KDM1B: variants seen among roughly 807,000 people sequenced by gnomAD.
KDM1B encodes the protein lysine-specific histone demethylase 2.
Under a neutral mutation model 107.4 loss-of-function variants are expected in KDM1B, and 63 were observed. That is an observed-to-expected ratio of 0.59 (90% CI 0.48 to 0.72). KDM1B has a LOEUF of 0.72. Among genes scored for constraint, KDM1B ranks in the 30% least tolerant of loss-of-function variants. The pLI is 0.00. For missense variants in KDM1B, 749 were observed against 1,020.8 expected, an observed-to-expected ratio of 0.73 and a Z score of 3.63; for synonymous variants, 363 against 363.9, an observed-to-expected ratio of 1.00 and a Z score of 0.03.
intron 6 of KDM1B, among the ~76,000 whole-genome samples, chr6:18,169,048 T>C (rs879941716): frequency 6.6e-6 from 1 of 151,824 alleles, no homozygotes; most frequent in Admixed American, 6.6e-5. Context: ...ATTTTTGTAT[T>C]TTTAGTAGAG....
Position 18,191,129 on chromosome 6 carries a change from T to C in KDM1B, c.785-68T>C. On this transcript the variant is annotated intron_variant, in intron 9 of 21. Coordinates refer to ENST00000650836, the MANE Select transcript of KDM1B (RefSeq NM_001364614.2). The surrounding 1 kb of genome is among the most constrained non-coding windows in gnomAD (Gnocchi z 5.1). ...CTAGGCTTACTTTTTGGTTTGCTTT[T>C]GCCCTTTAATTCTTCTGGATTTGGA... 1 of 1,438,198 alleles carries C rather than the reference T, an allele frequency of 7.0e-7. No individual in the cohort carries two copies. The highest frequency in any genetic ancestry group is 1.4e-5 in the African/African-American group (1 of 70,608). 89.1% of individuals were successfully genotyped at this position (1,438,198 alleles called of 1,614,324 possible). A position where few individuals can be genotyped will look rare whatever the true frequency, so the allele number is the denominator to read the frequency against.
At chr6:18,180,910 C>T (rs1200999611) in intron 7 of KDM1B, among the ~76,000 whole-genome samples, 2 of 152,224 alleles carry the variant, frequency 1.3e-5, no homozygotes, top group Middle Eastern at 3.2e-3. Flanking sequence ...TTTGACTAAA[C>T]TGTAATTGGA....
At chr6:18,176,906 G>A (rs866140104) in intron 7 of KDM1B, among the ~76,000 whole-genome samples, 4 of 152,134 alleles carry the variant, frequency 2.6e-5, no homozygotes, top group African/African-American at 7.2e-5. Flanking sequence ...TAGCGTCTAT[G>A]TTCATCAGGA....
At chr6:18,166,728 T>C (rs1785322734) in intron 6 of KDM1B, among the ~76,000 whole-genome samples, 1 of 151,736 alleles carries the variant, frequency 6.6e-6, no homozygotes. Context: ...GTGGCAGGTG[T>C]CTGTAGTCCC....
In KDM1B at chr6:18,204,766, C is replaced by T. The variant is rs1029228233; in HGVS notation, c.1532-771C>T. ...AGAAATTCTGGGGGCTTGCCACGGC[C>T]CGGTGATGCCCGACTATAAAGAATG... On this transcript the variant is annotated intron_variant, in intron 14 of 21. Coordinates refer to ENST00000650836, the MANE Select transcript of KDM1B (RefSeq NM_001364614.2). This position sits in a 1 kb window ranked among gnomAD's most constrained non-coding sequence, Gnocchi z 4.9. Among the ~76,000 whole-genome samples, 1 of 152,108 alleles carries T rather than the reference C, an allele frequency of 6.6e-6. No homozygotes were observed. The highest frequency in any genetic ancestry group is 1.5e-5 in the Non-Finnish European group (1 of 68,026).
intron 7 of KDM1B, among the ~76,000 whole-genome samples, chr6:18,177,493 G>A (rs115657999): frequency 2.7e-5 from 4 of 150,274 alleles, no homozygotes; most frequent in African/African-American, 9.8e-5. Context: ...CCTTTCTTCT[G>A]CTGGGCTTGG....
intron 4 of KDM1B, among the ~76,000 whole-genome samples, chr6:18,161,662 C>T (rs1409111185): frequency 6.6e-6 from 1 of 152,058 alleles, no homozygotes; most frequent in Non-Finnish European, 1.5e-5. Flanking sequence ...TGGGAGAGGC[C>T]ACACCCATGT....
Position 18,184,273 on chromosome 6 carries a change from C to CTTTTTTTT in KDM1B, c.535-1487_535-1480dup, listed in dbSNP as rs1163110910. Reference sequence around the variant, plus strand: ...TCCTACACTATGATTGTTCTAGCTTCTTTTTTTTTTTTTTTTTTTGAGACG... The same window carrying CTTTTTTTT: ...TCCTACACTATGATTGTTCTAGCTTCTTTTTTTTTTTTTTTTTTTTTTTTTTTGAGACG... On this transcript the variant is annotated intron_variant, in intron 7 of 21. Transcript: ENST00000650836. Among the ~76,000 whole-genome samples, 264 of 116,620 alleles carry CTTTTTTTT rather than the reference C, an allele frequency of 2.3e-3. 5 individuals are homozygous for CTTTTTTTT. Among genetic ancestry groups the CTTTTTTTT allele is most frequent in the Non-Finnish European group, 2.7e-3 (158 of 57,536 alleles). The allele number at this position is 116,620 out of a possible 152,430, so 76.5% of individuals were successfully genotyped here.
intron 10 of KDM1B, among the ~76,000 whole-genome samples, chr6:18,195,799 C>T (rs577318602): frequency 7.3e-5 from 11 of 150,694 alleles, no homozygotes; most frequent in Non-Finnish European, 8.8e-5. Flanking sequence ...ACCTAATTAA[C>T]GTATGCCTTA....
At chr6:18,192,480 A>G (rs112294276) in intron 10 of KDM1B, among the ~76,000 whole-genome samples, 260 of 152,322 alleles carry the variant, frequency 1.7e-3, no homozygotes, top group African/African-American at 6.1e-3. Context: ...ATGCAACTAT[A>G]TGAATTATAG....
intron 2 of KDM1B, among the ~76,000 whole-genome samples, chr6:18,157,674 A>G (rs1784710878): frequency 7.1e-6 from 1 of 140,368 alleles, no homozygotes; most frequent in South Asian, 2.4e-4. Context: ...ATATAAATGA[A>G]GAGATTTGTA....
At chr6:18,208,689 G>C (rs1449931380) in intron 17 of KDM1B, among the ~76,000 whole-genome samples, 2 of 118,786 alleles carry the variant, frequency 1.7e-5, no homozygotes, top group African/African-American at 3.2e-5. Context: ...CTGTCACCCA[G>C]GCTGGAGTGC....
In KDM1B at chr6:18,201,463, T is replaced by C. The variant is rs944284534; in HGVS notation, c.1360-23T>C. 1 of 1,531,516 alleles carries C rather than the reference T, an allele frequency of 6.5e-7. No individual in the cohort carries two copies. Among genetic ancestry groups the C allele is most frequent in the East Asian group, 2.5e-5 (1 of 40,814 alleles). 94.9% of individuals were successfully genotyped at this position (1,531,516 alleles called of 1,614,324 possible). On this transcript the variant is annotated intron_variant, in intron 13 of 21. Coordinates refer to ENST00000650836, the MANE Select transcript of KDM1B (RefSeq NM_001364614.2). This position sits in a 1 kb window ranked among gnomAD's most constrained non-coding sequence, Gnocchi z 4.3. ...TTTTTTTCCAGGGAAAATTTTCACC[T>C]TCTTATTCTTATTATTTTGAAGCTT... is the stretch of plus-strand genomic sequence containing the variant.
rs563309099 is a variant in KDM1B, at chr6:18,160,607, G to A, written c.87+625G>A. Among the ~76,000 whole-genome samples, 10 of 151,952 alleles carry A rather than the reference G, an allele frequency of 6.6e-5. No homozygotes were observed. The South Asian group carries it at 1.5e-3, about 22-fold the overall frequency. On this transcript the variant is annotated intron_variant, in intron 3 of 21. Transcript: ENST00000650836. The stretch of plus-strand genomic sequence containing the variant: ...CAAAAAATTAGCTGGGTGTGGTGGC[G>A]GGCGCCTGTAGTCTCAGCTACTCGG...
rs374255036 is a variant in KDM1B, at chr6:18,209,528, G to A, written c.1866+1322G>A. Among the ~76,000 whole-genome samples the A allele has an allele frequency of 8.5e-5, 13 of 152,186 alleles. No homozygotes were observed. Among genetic ancestry groups the A allele is most frequent in the South Asian group, 2.1e-4 (1 of 4,830 alleles). ...GGCAGCAATCCCCGGGCTGCACGTC[G>A]GAACCACCTGGGAGGCGCTTACAAA... On this transcript the variant is annotated intron_variant, in intron 17 of 21. Transcript: ENST00000650836. The surrounding 1 kb of genome is among the most constrained non-coding windows in gnomAD (Gnocchi z 4.3).
At chr6:18,171,998 T>C (rs1166043857) in intron 7 of KDM1B, among the ~76,000 whole-genome samples, 1 of 152,202 alleles carries the variant, frequency 6.6e-6, no homozygotes, top group Non-Finnish European at 1.5e-5. Context: ...TTTTGCTAGT[T>C]TTGGTTTGTT....
At chr6:18,198,060 C>T (rs929317732) in intron 12 of KDM1B, among the ~76,000 whole-genome samples, 3 of 151,600 alleles carry the variant, frequency 2.0e-5, no homozygotes, top group Admixed American at 1.3e-4. Context: ...TCATGCCCAG[C>T]GAATTTTTGT....
At position 18,214,725 on chromosome 6, in the gene KDM1B, C is replaced by G. The variant is rs1280537282; in HGVS notation, c.2110-282C>G. Reference sequence around the variant, plus strand: ...AGGAGTTTGAGACCAGTCTGGCCAACATGGTGAAACCCTGTCTCTACTAAA... The same window carrying G: ...AGGAGTTTGAGACCAGTCTGGCCAAGATGGTGAAACCCTGTCTCTACTAAA... On this transcript the variant is annotated intron_variant, in intron 19 of 21. Coordinates refer to ENST00000650836, the MANE Select transcript of KDM1B (RefSeq NM_001364614.2). This position sits in a 1 kb window ranked among gnomAD's most constrained non-coding sequence, Gnocchi z 4.4. Among the ~76,000 whole-genome samples, 1 of 152,120 alleles carries G rather than the reference C, an allele frequency of 6.6e-6. No individual in the cohort carries two copies. Among genetic ancestry groups the G allele is most frequent in the Non-Finnish European group, 1.5e-5 (1 of 68,018 alleles).
chr6:18,200,644 G>C lies in KDM1B; in HGVS notation c.1359+68G>C, dbSNP rs1787972536. On this transcript the variant is annotated intron_variant, in intron 13 of 21. Transcript: ENST00000650836. The surrounding 1 kb of genome is among the most constrained non-coding windows in gnomAD (Gnocchi z 4.3). Reference sequence around the variant, plus strand: ...AACAGTTTCAATTTGCTTGTGTGCAGTATTAATATGCTTCTAAAGTAAATT... The same window carrying C: ...AACAGTTTCAATTTGCTTGTGTGCACTATTAATATGCTTCTAAAGTAAATT... The C allele has an allele frequency of 6.9e-7, 1 of 1,441,912 alleles. No individual in the cohort carries two copies. Among genetic ancestry groups the C allele is most frequent in the Admixed American group, 2.1e-5 (1 of 46,964 alleles). The allele number at this position is 1,441,912 out of a possible 1,614,324, so 89.3% of individuals were successfully genotyped here.
Sources: allele counts gnomAD v4.1 joint callset (sites outside exome capture counted in the v4.1 genomes callset), GRCh38; gene constraint gnomAD v4.1.1; non-coding constraint Gnocchi (gnomAD v3.1); transcripts MANE v1.5; gene names NCBI Gene and HGNC (gene_info 2026-07-23, HGNC 2026-07-21).